TAFA5: variants seen among roughly 807,000 people sequenced by gnomAD.
TAFA5 encodes chemokine-like protein TAFA-5.
Under a neutral mutation model 15.3 loss-of-function variants are expected in TAFA5, and 6 were observed. That is an observed-to-expected ratio of 0.39 (90% CI 0.21 to 0.77). The LOEUF (loss-of-function observed/expected upper bound fraction) is 0.77, where lower values mean the gene tolerates loss of function less well. TAFA5 is among the 30% of genes least tolerant of loss of function. TAFA5 has a pLI of 0.41. For synonymous variants in TAFA5, 103 were observed against 80.7 expected, an observed-to-expected ratio of 1.28 and a Z score of -1.48; for missense variants, 161 against 193.1, an observed-to-expected ratio of 0.83 and a Z score of 0.98.
intron 2 of TAFA5, among the ~76,000 whole-genome samples, chr22:48,666,890 T>C (rs5771922): frequency 0.85 from 128,500 of 152,016 alleles, 54,942 homozygotes; most frequent in East Asian, 1. Context: ...CTCAGCCTCC[T>C]TCATCCCCAT....
intron 2 of TAFA5, among the ~76,000 whole-genome samples, chr22:48,689,280 G>A (rs138958524): frequency 3.3e-5 from 5 of 152,244 alleles, no homozygotes; most frequent in African/African-American, 1.2e-4. Context: ...ACACGTTACC[G>A]GGTCTGACCC....
intron 2 of TAFA5, chr22:48,693,426 A>C: frequency 6.2e-7 from 1 of 1,610,902 alleles, no homozygotes; most frequent in Non-Finnish European, 8.5e-7. Flanking sequence ...CCGTGCAGGC[A>C]GTAAAGGAGG....
At chr22:48,706,399 C>T (rs1464237027) in intron 2 of TAFA5, among the ~76,000 whole-genome samples, 1 of 152,232 alleles carries the variant, frequency 6.6e-6, no homozygotes, top group Non-Finnish European at 1.5e-5. Context: ...CACCCTGGCC[C>T]TCCCAGCACT....
intron 2 of TAFA5, among the ~76,000 whole-genome samples, chr22:48,702,556 C>T (rs1928944339): frequency 6.8e-6 from 1 of 147,618 alleles, no homozygotes; most frequent in Non-Finnish European, 1.5e-5. Flanking sequence ...CCTTTACGCC[C>T]CGTGCCCTTT....
chr22:48,621,274 C>A (rs147127968), intron 1 of TAFA5, among the ~76,000 whole-genome samples: 2 of 147,618 alleles, frequency 1.4e-5, no homozygotes, highest in Non-Finnish European at 3.0e-5. Flanking sequence ...TATCCACCCA[C>A]TCACCAGCCA....
At chr22:48,618,251 G>A (rs1264872158) in intron 1 of TAFA5, among the ~76,000 whole-genome samples, 7 of 152,152 alleles carry the variant, frequency 4.6e-5, no homozygotes, top group East Asian at 1.9e-4. Context: ...GCTTAGCAGC[G>A]GCACAGAGCC....
intron 1 of TAFA5, among the ~76,000 whole-genome samples, chr22:48,511,722 G>A (rs1327619207): frequency 1.3e-5 from 2 of 152,218 alleles, no homozygotes; most frequent in African/African-American, 4.8e-5. Flanking sequence ...CCTGACGCAG[G>A]CCCATCTCTC....
At chr22:48,647,378 A>G (rs1926904605) in intron 2 of TAFA5, among the ~76,000 whole-genome samples, 1 of 152,082 alleles carries the variant, frequency 6.6e-6, no homozygotes, top group Non-Finnish European at 1.5e-5. Flanking sequence ...ATGAGGTGAC[A>G]TGGGGCGGGA....
At chr22:48,673,670 C>T (rs937922821) in intron 2 of TAFA5, among the ~76,000 whole-genome samples, 1 of 152,140 alleles carries the variant, frequency 6.6e-6, no homozygotes, top group Non-Finnish European at 1.5e-5. Flanking sequence ...TCATTTGAGG[C>T]TTGGAATAAA....
chr22:48,643,145 C>A (rs753565185), intron 1 of TAFA5, among the ~76,000 whole-genome samples: 2 of 152,220 alleles, frequency 1.3e-5, no homozygotes, highest in Non-Finnish European at 2.9e-5. Context: ...CCCAGAAAGA[C>A]TGAGAGGCAC....
chr22:48,665,531 T>C (rs1041796983), intron 2 of TAFA5, among the ~76,000 whole-genome samples: 1 of 124,380 alleles, frequency 8.0e-6, no homozygotes, highest in East Asian at 2.6e-4. Flanking sequence ...CAGTTGGGTC[T>C]ACCAGCCGTT....
At chr22:48,528,582 G>T (rs1921859912) in intron 1 of TAFA5, among the ~76,000 whole-genome samples, 1 of 152,206 alleles carries the variant, frequency 6.6e-6, no homozygotes, top group African/African-American at 2.4e-5. Context: ...CTGTGCACCT[G>T]CCCCACCTGT....
intron 1 of TAFA5, among the ~76,000 whole-genome samples, chr22:48,556,500 G>A (rs1365421781): frequency 2.0e-5 from 3 of 152,278 alleles, no homozygotes; most frequent in Non-Finnish European, 1.5e-5. Flanking sequence ...TCTGCCATCT[G>A]TATTCATCTG....
intron 1 of TAFA5, among the ~76,000 whole-genome samples, chr22:48,606,788 C>T (rs1348648825): frequency 6.6e-6 from 1 of 152,188 alleles, no homozygotes; most frequent in Admixed American, 6.5e-5. Context: ...GGGAGACACG[C>T]TCTTGGTGGG....
chr22:48,741,173 C>T (rs1930169352), intron 3 of TAFA5, among the ~76,000 whole-genome samples: 1 of 152,188 alleles, frequency 6.6e-6, no homozygotes, highest in Admixed American at 6.5e-5. Flanking sequence ...CGTGATTCCA[C>T]CCCAGCCCCT....
At chr22:48,693,407 T>G (rs768521616) in intron 2 of TAFA5, 1 of 1,612,006 alleles carries the variant, frequency 6.2e-7, no homozygotes, top group Non-Finnish European at 8.5e-7. Context: ...GTGCGCGTCA[T>G]AGTGCAGCCC....
Position 48,634,360 on chromosome 22 carries a change from CTCAT to C in TAFA5, c.113-12231_113-12228del, listed in dbSNP as rs545879300. 6.4e-3 allele frequency among the ~76,000 whole-genome samples: 975 copies of C among 152,244 alleles called. 12 individuals are homozygous for C. The highest frequency in any genetic ancestry group is 0.022 in the African/African-American group (909 of 41,524). ...CATTCACTCATTCACCCACTCATCA[CTCAT>C]TCATTAACTCACTTATTCAGTCACG... On this transcript the variant is annotated intron_variant, in intron 1 of 3. Coordinates refer to ENST00000402357, the MANE Select transcript of TAFA5 (RefSeq NM_001082967.3).
chr22:48,540,516 G>T (rs1307381630), intron 1 of TAFA5, among the ~76,000 whole-genome samples: 1 of 152,022 alleles, frequency 6.6e-6, no homozygotes, highest in Non-Finnish European at 1.5e-5. Flanking sequence ...GACTTCTAGG[G>T]TGTCCTCCGC....
At chr22:48,746,500 GA>G (rs1226270768) in intron 3 of TAFA5, among the ~76,000 whole-genome samples, 2 of 151,764 alleles carry the variant, frequency 1.3e-5, no homozygotes, top group African/African-American at 2.4e-5. Context: ...TCTTGTTAAA[GA>G]AAAAAAAGAG....
Sources: gnomAD v4.1 joint callset for allele counts (sites outside exome capture counted in the v4.1 genomes callset) on GRCh38, gnomAD v4.1.1 for gene constraint, MANE v1.5 for transcripts, NCBI Gene and HGNC (gene_info 2026-07-23, HGNC 2026-07-21) for gene names.